DMC1: variants seen among roughly 807,000 people sequenced by gnomAD.
The protein encoded by DMC1 is meiotic recombination protein DMC1 homolog.
DMC1 carries 27 observed loss-of-function variants against 50.1 expected under a neutral mutation model. That is an observed-to-expected ratio of 0.54 (90% CI 0.40 to 0.74). The LOEUF (loss-of-function observed/expected upper bound fraction) is 0.74, where lower values mean the gene tolerates loss of function less well. DMC1 is among the 30% of genes least tolerant of loss of function. The pLI is 0.00. For missense variants in DMC1, 295 were observed against 420.2 expected (o/e 0.70, Z 2.60); for synonymous variants, 148 against 136.1 (o/e 1.09, Z -0.61).
At chr22:38,553,497 CAAAAAAAAAA>C (rs372645739) in intron 6 of DMC1, among the ~76,000 whole-genome samples, 2 of 47,002 alleles carry the variant, frequency 4.3e-5, no homozygotes, top group Non-Finnish European at 8.8e-5. Context: ...GACTCCGTCT[CAAAAAAAAAA>C]AAAAAAAAAG....
intron 8 of DMC1, chr22:38,546,062 C>G (rs2145907170): frequency 6.6e-6 from 1 of 152,464 alleles, no homozygotes; most frequent in Middle Eastern, 3.4e-3. Context: ...TTGCATATGA[C>G]TTAGCTCCTA....
chr22:38,539,412 G>A lies in DMC1; in HGVS notation c.495C>T (p.Phe165=), dbSNP rs1326354117. 6.2e-7 allele frequency: 1 copy of A among 1,613,378 alleles called. No homozygotes were observed. Among genetic ancestry groups the A allele is most frequent in the Non-Finnish European group, 8.5e-7 (1 of 1,179,384 alleles). ...CAATGTCCCTAAGGCGATCTGGACG[G>A]CTGGAGTATGCCAAGATTAAGGATC... ...KIIFIDTENT[F]RPDRLRDIAD... Residue 165 remains phenylalanine (F), a splice_region_variant and synonymous_variant, in exon 9 of 14, where the codon TTC becomes TTT. Transcript: ENST00000216024.
chr22:38,540,169 C>A (rs2090265011), intron 8 of DMC1, among the ~76,000 whole-genome samples: 1 of 152,032 alleles, frequency 6.6e-6, no homozygotes, highest in South Asian at 2.1e-4. Flanking sequence ...CTTCAGTCTC[C>A]TGAGTAGCTG....
intron 4 of DMC1, among the ~76,000 whole-genome samples, chr22:38,565,614 G>T (rs1453858487): frequency 6.6e-6 from 1 of 152,218 alleles, no homozygotes; most frequent in Non-Finnish European, 1.5e-5. Context: ...CTGCTGCACT[G>T]TACTGGGCTG....
intron 12 of DMC1, among the ~76,000 whole-genome samples, chr22:38,534,729 C>T (rs781576316): frequency 2.0e-4 from 30 of 147,556 alleles, no homozygotes; most frequent in Non-Finnish European, 3.6e-4. Context: ...CGACTGAGTG[C>T]GGTGGGTCAT....
chr22:38,536,826 T>G (rs2090218181), intron 12 of DMC1, among the ~76,000 whole-genome samples: 2 of 152,164 alleles, frequency 1.3e-5, no homozygotes, highest in African/African-American at 4.8e-5. Context: ...TATTTACAAT[T>G]ATGAAGTCAT....
intron 8 of DMC1, among the ~76,000 whole-genome samples, chr22:38,544,891 C>T (rs1033688147): frequency 1.6e-4 from 25 of 151,802 alleles, no homozygotes; most frequent in Non-Finnish European, 2.4e-4. Context: ...CTTGGCCTCC[C>T]AAAGTGCTGG....
chr22:38,567,472 G>T, intron 3 of DMC1, 111 bp downstream of exon 3: 2 of 897,982 alleles, frequency 2.2e-6, no homozygotes, highest in Non-Finnish European at 3.8e-6. Context: ...ACCCTACAAT[G>T]CACAGGACGT....
intron 8 of DMC1, chr22:38,546,242 T>G: frequency 6.6e-6 from 1 of 152,006 alleles, no homozygotes; most frequent in East Asian, 1.9e-4. Flanking sequence ...AATACAAAAT[T>G]AGCCGGGTGT....
Position 38,562,462 on chromosome 22 carries a change from G to A in DMC1, c.244-93C>T, listed in dbSNP as rs999028469. ...CCAAAATGATATACTCAGTTATTAA[G>A]ATCATCATTTGGTATAAGCTACAGT... On this transcript the variant is annotated intron_variant, in intron 4 of 13. Coordinates refer to ENST00000216024, the MANE Select transcript of DMC1 (RefSeq NM_007068.4). The A allele has an allele frequency of 4.6e-6, 4 of 875,104 alleles. No individual in the cohort carries two copies. The African/African-American group carries it at 5.0e-5, about 11-fold the overall frequency. 54.2% of individuals were successfully genotyped at this position (875,104 alleles called of 1,614,324 possible). A position where few individuals can be genotyped will look rare whatever the true frequency, so the allele number is the denominator to read the frequency against.
chr22:38,555,219 A>C lies in DMC1; in HGVS notation c.379+138T>G, dbSNP rs2090457139. On this transcript the variant is annotated intron_variant, in intron 6 of 13. Transcript: ENST00000216024. Reference sequence around the variant, plus strand: ...GTACAGAATGATCTCATGTTATGATAATTGAGATTTTGTAAGTTCCAAAAT... The same window carrying C: ...GTACAGAATGATCTCATGTTATGATCATTGAGATTTTGTAAGTTCCAAAAT... 1.4e-5 allele frequency: 9 copies of C among 620,824 alleles called. No individual in the cohort carries two copies. In the South Asian group the frequency reaches 1.8e-4, roughly 12 times the overall value. The allele number at this position is 620,824 out of a possible 1,614,324, so 38.5% of individuals were successfully genotyped here.
rs1410266507 is a variant in DMC1 at position 38,562,389 on chromosome 22, A to G, written c.244-20T>C. On this transcript the variant is annotated intron_variant, in intron 4 of 13. Coordinates refer to ENST00000216024, the MANE Select transcript of DMC1 (RefSeq NM_007068.4). ...TGGTTCCTACAGAAAGATAAAAGGA[A>G]ATGTTCAAAAAGAGTTTAAAGATCA... 1.5e-5 allele frequency: 23 copies of G among 1,534,226 alleles called. No homozygotes were observed. The highest frequency in any genetic ancestry group is 2.1e-5 in the Non-Finnish European group (23 of 1,108,294).
intron 5 of DMC1, 49 bp from the exon 6 acceptor site, chr22:38,555,458 TAA>T (rs1420003546): frequency 1.6e-6 from 2 of 1,224,768 alleles, no homozygotes; most frequent in African/African-American, 3.0e-5. Flanking sequence ...ATAGAAATAT[TAA>T]GAGAGGAGAA....
At chr22:38,521,538 T>TACAC (rs111317680) in intron 13 of DMC1, 70 bp downstream of exon 13, 11,839 of 639,704 alleles carry the variant, frequency 0.019, 79 homozygotes, top group African/African-American at 0.042. Flanking sequence ...ACCCCGTCTC[T>TACAC]ACACACACAC....
At chr22:38,538,963 GAGTTGGAGGTTGC>G (rs2090249502) in intron 9 of DMC1, among the ~76,000 whole-genome samples, 1 of 151,490 alleles carries the variant, frequency 6.6e-6, no homozygotes, top group South Asian at 2.1e-4. Context: ...TTGAAGCCAG[GAGTTGGAGGTTGC>G]AGTGAGCCGA....
intron 4 of DMC1, among the ~76,000 whole-genome samples, chr22:38,562,807 A>G (rs1368735474): frequency 6.6e-6 from 1 of 151,946 alleles, no homozygotes; most frequent in Non-Finnish European, 1.5e-5. Flanking sequence ...ACACATATAC[A>G]TATACATATA....
At chr22:38,568,116 C>T in intron 2 of DMC1, 90 bp downstream of exon 2, 1 of 1,154,672 alleles carries the variant, frequency 8.7e-7, no homozygotes, top group Middle Eastern at 1.9e-4. Flanking sequence ...TTTCTACTTT[C>T]AGCTTCTAAA....
intron 12 of DMC1, among the ~76,000 whole-genome samples, chr22:38,526,581 CA>C (rs36013875): frequency 6.6e-6 from 1 of 151,558 alleles, no homozygotes; most frequent in East Asian, 2.0e-4. Context: ...CCCTCCCCAC[CA>C]AAAAAAGGGC....
downstream of DMC1, among the ~76,000 whole-genome samples, chr22:38,517,189 A>G (rs763026630): frequency 3.9e-5 from 6 of 152,224 alleles, no homozygotes; most frequent in Admixed American, 1.3e-4. Flanking sequence ...CATCAAAGGC[A>G]TGCTCTTGGC....
Sources: gnomAD v4.1 joint callset for allele counts (sites outside exome capture counted in the v4.1 genomes callset) on GRCh38, gnomAD v4.1.1 for gene constraint, MANE v1.5 for transcripts, NCBI Gene and HGNC (gene_info 2026-07-23, HGNC 2026-07-21) for gene names.